The following NAT10 variants were observed in gnomAD, a reference collection of about 807,000 sequenced individuals.
NAT10 encodes the protein N-acetyltransferase 10, also known as RNA cytidine acetyltransferase.
NAT10 carries 109 observed loss-of-function variants against 132.2 expected under a neutral mutation model. The ratio of observed to expected loss-of-function variants is 0.82; its 90% CI spans 0.71 to 0.97. The LOEUF (loss-of-function observed/expected upper bound fraction) is 0.97, where lower values mean the gene tolerates loss of function less well. Among genes scored for constraint, NAT10 ranks in the 50% least tolerant of loss-of-function variants. The pLI is 0.00. For synonymous variants in NAT10, 479 were observed against 478.0 expected (o/e 1.00, Z -0.03); for missense variants, 1,184 against 1,263.4 (o/e 0.94, Z 0.95).
intron 22 of NAT10, 41 bp downstream of exon 22, chr11:34,139,328 T>C (rs766433578): frequency 4.8e-5 from 77 of 1,611,814 alleles, no homozygotes; most frequent in East Asian, 4.0e-4. Context: ...AATGAGGTGA[T>C]TGGGGGCTGC....
At chr11:34,145,238 G>A (rs1168534260) in intron 28 of NAT10, among the ~76,000 whole-genome samples, 2 of 152,212 alleles carry the variant, frequency 1.3e-5, no homozygotes, top group South Asian at 2.1e-4. Flanking sequence ...GAAGCCTCTC[G>A]AGCCCAACAA....
At chr11:34,128,956 T>A (rs1431175829) in intron 12 of NAT10, among the ~76,000 whole-genome samples, 1 of 152,234 alleles carries the variant, frequency 6.6e-6, no homozygotes. Flanking sequence ...CATGACTGAC[T>A]TGTAGCATGT....
chr11:34,112,158 C>T lies in NAT10; in HGVS notation c.307C>T (p.Arg103Cys), dbSNP rs368151624. Residue 103 changes from arginine to cysteine, a missense_variant, in exon 4 of 29, where the codon CGC (arginine) becomes TGC (cysteine). By Grantham distance (180) the Arg-to-Cys change is radical. Coordinates refer to ENST00000257829, the MANE Select transcript of NAT10 (RefSeq NM_024662.3). ...ACTCTTCATAGCAGCCACAAACATT[C>T]GCTACTGCTACTACAACGAGACCCA... ...FELFIAATNI[R>C]YCYYNETHKI... is the part of the protein sequence containing the mutation. 9 of 1,614,222 alleles carry T rather than the reference C, an allele frequency of 5.6e-6. No homozygotes were observed. The highest frequency in any genetic ancestry group is 6.8e-6 in the Non-Finnish European group (8 of 1,180,032).
intron 8 of NAT10, among the ~76,000 whole-genome samples, chr11:34,120,850 A>G (rs1851880429): frequency 6.6e-6 from 1 of 152,194 alleles, no homozygotes; most frequent in Non-Finnish European, 1.5e-5. Context: ...TTCTACATAC[A>G]GGGGCAGGGG....
At chr11:34,129,951 G>A (rs540408075) in intron 12 of NAT10, among the ~76,000 whole-genome samples, 1 of 152,148 alleles carries the variant, frequency 6.6e-6, no homozygotes, top group South Asian at 2.1e-4. Context: ...AAGTTTTGAA[G>A]TTTTGTTGCT....
chr11:34,145,457 G>C (rs1248886348), intron 28 of NAT10, among the ~76,000 whole-genome samples: 2 of 152,192 alleles, frequency 1.3e-5, no homozygotes, highest in Non-Finnish European at 2.9e-5. Flanking sequence ...TGTTCCCAGA[G>C]CAAAATTTAA....
In NAT10 at chr11:34,124,342, A is replaced by C; in HGVS notation, c.1049A>C (p.Glu350Ala). 1 of 1,614,054 alleles carries C rather than the reference A, an allele frequency of 6.2e-7. No homozygotes were observed. Among genetic ancestry groups the C allele is most frequent in the Non-Finnish European group, 8.5e-7 (1 of 1,179,970 alleles). Residue 350 changes from glutamate to alanine, a missense_variant, in exon 11 of 29, where the codon GAA becomes GCA. Glu to Ala is a moderately radical substitution (Grantham distance 107, BLOSUM62 -1). Coordinates refer to ENST00000257829, the MANE Select transcript of NAT10 (RefSeq NM_024662.3). ...GAGATTATCCAGTCTCTAAATCCTG[A>C]ATTTAACAAAGCAGTGATCAGAGTG... ...DYEIIQSLNP[E>A]FNKAVIRVNV...
At chr11:34,117,650 T>G (rs2134160023) in intron 6 of NAT10, among the ~76,000 whole-genome samples, 1 of 152,348 alleles carries the variant, frequency 6.6e-6, no homozygotes, top group South Asian at 2.1e-4. Flanking sequence ...TGGGAGGATG[T>G]TTGAATTTTA....
intron 17 of NAT10, 30 bp downstream of exon 17, chr11:34,134,450 G>A: frequency 6.2e-7 from 1 of 1,613,698 alleles, no homozygotes; most frequent in Non-Finnish European, 8.5e-7. Flanking sequence ...GTGTCTGAGG[G>A]AAGCTGGTGG....
intron 28 of NAT10, among the ~76,000 whole-genome samples, chr11:34,143,997 A>C (rs1852388942): frequency 1.3e-5 from 2 of 152,230 alleles, no homozygotes; most frequent in African/African-American, 4.8e-5. Flanking sequence ...CTCCACTGCA[A>C]GGCCATAGGT....
At chr11:34,110,153 C>G (rs1009576245) in intron 3 of NAT10, among the ~76,000 whole-genome samples, 1 of 152,146 alleles carries the variant, frequency 6.6e-6, no homozygotes, top group African/African-American at 2.4e-5. Flanking sequence ...CGGAGCTCTT[C>G]TCTTTCTCTG....
intron 25 of NAT10, 79 bp from the exon 26 acceptor site, chr11:34,141,640 C>A: frequency 7.9e-7 from 1 of 1,260,854 alleles, no homozygotes; most frequent in Non-Finnish European, 1.1e-6. Flanking sequence ...TTCTATAAGA[C>A]ACCAAGTGTC....
intron 26 of NAT10, chr11:34,142,020 G>T: frequency 1.9e-6 from 1 of 536,734 alleles, no homozygotes; most frequent in Middle Eastern, 4.6e-4. Flanking sequence ...CCCACTGATT[G>T]TGTGTGTGTG....
chr11:34,115,771 C>T, intron 5 of NAT10, 52 bp from the exon 6 acceptor site: 2 of 1,591,920 alleles, frequency 1.3e-6, no homozygotes, highest in Non-Finnish European at 8.6e-7. Context: ...GGACCCTGGT[C>T]CTCAGCACTG....
At chr11:34,126,047 A>C (rs1423561399) in intron 11 of NAT10, among the ~76,000 whole-genome samples, 5 of 152,206 alleles carry the variant, frequency 3.3e-5, no homozygotes, top group African/African-American at 7.2e-5. Flanking sequence ...AGCAAAGCAG[A>C]ACATCTTATT....
chr11:34,110,284 CT>C (rs1195657980), intron 3 of NAT10, among the ~76,000 whole-genome samples: 1 of 151,956 alleles, frequency 6.6e-6, no homozygotes, highest in East Asian at 1.9e-4. Context: ...GCTCTGGTTG[CT>C]TTATGCTGTG....
chr11:34,146,392 T>C lies in NAT10; in HGVS notation c.*200T>C, dbSNP rs549209912. On this transcript the variant is annotated 3_prime_UTR_variant, in exon 29 of 29. Coordinates refer to ENST00000257829, the MANE Select transcript of NAT10 (RefSeq NM_024662.3). ...ACTCCCAAATGGGTCTCTTTAGAACTTGATGGCTGGGCACTGCCATCTCTA... is the reference window on the plus strand; with the variant it reads ...ACTCCCAAATGGGTCTCTTTAGAACCTGATGGCTGGGCACTGCCATCTCTA... 8.3e-6 allele frequency: 4 copies of C among 479,132 alleles called. No individual in the cohort carries two copies. Among genetic ancestry groups the C allele is most frequent in the African/African-American group, 2.0e-5 (1 of 51,132 alleles). 29.7% of individuals were successfully genotyped at this position (479,132 alleles called of 1,614,324 possible).
Position 34,122,598 on chromosome 11 carries a change from G to A in NAT10, c.914+6G>A, listed in dbSNP as rs955997925. 1 of 1,613,640 alleles carries A rather than the reference G, an allele frequency of 6.2e-7. No individual in the cohort carries two copies. The highest frequency in any genetic ancestry group is 8.5e-7 in the Non-Finnish European group (1 of 1,179,874). ...GCTGGGGCGGTGGCATTTGGGTAAG[G>A]GGATTCAGTCCCCCATCTTTAGGAA... On this transcript the variant is annotated splice_donor_region_variant and intron_variant, in intron 9 of 28. Transcript: ENST00000257829.
In NAT10 at chr11:34,129,522, T is replaced by C. The variant is rs1242370087; in HGVS notation, c.1245-1291T>C. ...GTAAGGGTTCTTTATATATTCTTGATACCAGGTCCCTTTTCAGATATGATT... is the reference window on the plus strand; with the variant it reads ...GTAAGGGTTCTTTATATATTCTTGACACCAGGTCCCTTTTCAGATATGATT... On this transcript the variant is annotated intron_variant, in intron 12 of 28. Transcript: ENST00000257829. 2.0e-5 allele frequency among the ~76,000 whole-genome samples: 3 copies of C among 152,020 alleles called. No individual in the cohort carries two copies. The East Asian group carries it at 5.8e-4, about 29-fold the overall frequency.
Sources: gnomAD v4.1 joint callset for allele counts (sites outside exome capture counted in the v4.1 genomes callset) on GRCh38, gnomAD v4.1.1 for gene constraint, MANE v1.5 for transcripts, NCBI Gene and HGNC (gene_info 2026-07-23, HGNC 2026-07-21) for gene names.